Variants in LMTK3 observed in about 807,000 individuals in gnomAD.
LMTK3 encodes serine/threonine-protein kinase LMTK3.
A neutral mutation model predicts 116.7 loss-of-function variants in LMTK3; 27 were observed. The observed-to-expected ratio is 0.23, with a 90% confidence interval of 0.17 to 0.32. LMTK3 has a LOEUF of 0.32. LMTK3 is among the 10% of genes least tolerant of loss of function. The pLI, the probability that LMTK3 is intolerant of heterozygous loss-of-function variation, is 1.00. For synonymous variants in LMTK3, 965 were observed against 971.0 expected (o/e 0.99, Z 0.11); for missense variants, 1,764 against 2,068.5 (o/e 0.85, Z 2.86).
chr19:48,499,081 C>T lies in LMTK3; in HGVS notation c.1988G>A (p.Arg663His), dbSNP rs554523662. The T allele has an allele frequency of 1.2e-4, 187 of 1,546,568 alleles. No homozygotes were observed. Among genetic ancestry groups the T allele is most frequent in the Non-Finnish European group, 1.6e-4 (181 of 1,151,192 alleles). Residue 663 changes from arginine to histidine, a missense_variant, in exon 11 of 15, where the codon CGC (arginine) becomes CAC (histidine). Physicochemically the swap from Arg to His is conservative, Grantham distance 29. This residue lies in a region of LMTK3 where 1,028 missense variants were observed against 1,050.6 expected (regional missense o/e 0.98). Coordinates refer to ENST00000600059, the MANE Select transcript of LMTK3 (RefSeq NM_001388485.1). ...DSSSLGGGPS[R>H]RGPLPCPLCS... Reference sequence around the variant, plus strand: ...CAGGGGACAGGGTAGGGGACCCCGGCGGCTTGGGCCACCTCCAAGGCTGCT... The same window carrying T: ...CAGGGGACAGGGTAGGGGACCCCGGTGGCTTGGGCCACCTCCAAGGCTGCT...
chr19:48,513,026 A>C, upstream of LMTK3: 1 of 846,630 alleles, frequency 1.2e-6, no homozygotes, highest in Non-Finnish European at 2.0e-6. This position sits in a 1 kb window ranked among gnomAD's most constrained non-coding sequence, Gnocchi z 5.6. Context: ...ACCCCACCAC[A>C]GTCACACATC....
At position 48,497,308 on chromosome 19, in the gene LMTK3, C is replaced by A; in HGVS notation, c.3676+85G>T. ...CCTGCATTCATCACTGCCAGCCCGA[C>A]CCGACATGTTTACCCACACTCACCC... On this transcript the variant is annotated intron_variant, in intron 11 of 14. Transcript: ENST00000600059. The surrounding 1 kb of genome is among the most constrained non-coding windows in gnomAD (Gnocchi z 5.7). 1 of 1,353,356 alleles carries A rather than the reference C, an allele frequency of 7.4e-7. No individual in the cohort carries two copies. The highest frequency in any genetic ancestry group is 9.6e-7 in the Non-Finnish European group (1 of 1,040,786). 83.8% of individuals were successfully genotyped at this position (1,353,356 alleles called of 1,614,324 possible).
At chr19:48,486,189 A>G (rs1041663975) in intron 14 of LMTK3, among the ~76,000 whole-genome samples, 1 of 144,004 alleles carries the variant, frequency 6.9e-6, no homozygotes, top group Non-Finnish European at 1.5e-5. Context: ...CCTCCCAAGT[A>G]GCTGGGACTA....
chr19:48,508,937 G>C lies in LMTK3; in HGVS notation c.471C>G (p.Thr157=), dbSNP rs773422837. ...GCTCCTTCACCACCACCTGGGCGGG[G>C]GTGTAGTCGGAGAAAATCTCTCCCA... ...VILGEIFSDY[T]PAQVVVKELR... Residue 157 remains threonine, a synonymous_variant, in exon 5 of 15, where the codon ACC becomes ACG. Transcript: ENST00000600059. 1.2e-6 allele frequency: 2 copies of C among 1,611,930 alleles called. No homozygotes were observed. Among genetic ancestry groups the C allele is most frequent in the Admixed American group, 3.3e-5 (2 of 59,720 alleles).
At chr19:48,510,311 C>T (rs1972634655) in intron 2 of LMTK3, 138 bp from the exon 3 acceptor site, 2 of 1,403,260 alleles carry the variant, frequency 1.4e-6, no homozygotes, top group Admixed American at 2.5e-5. Context: ...CCCATTTCCC[C>T]ATCCCAAGGC....
rs1972275319 is a variant in LMTK3 at position 48,493,889 on chromosome 19, C to A, written c.3897G>T (p.Gly1299=). The change falls in exon 12 of 15, where the codon GGG becomes GGT. Residue 1299 remains glycine, a synonymous_variant. Transcript: ENST00000600059. ...CTCGCGCCCTCCCGGGGCCCCGCGG[C>A]CCCGCCGCCGCGCCCGGCGCCGCCG... ...EEAAAPGAAA[G]PRGPGRARAA... 1.9e-6 allele frequency: 2 copies of A among 1,070,126 alleles called. No homozygotes were observed. The highest frequency in any genetic ancestry group is 2.3e-6 in the Non-Finnish European group (2 of 887,638). The allele number at this position is 1,070,126 out of a possible 1,614,324, so 66.3% of individuals were successfully genotyped here.
chr19:48,497,558 C>A lies in LMTK3; in HGVS notation c.3511G>T (p.Glu1171Ter). ...LEPAPPRARP[E>*]VAPEGEPGAP... ...CCGGGCTCTCCCTCGGGGGCCACCT[C>A]CGGCCTGGCTCTCGGGGGCGCTGGC... Residue 1171 changes from glutamate (E) to a stop codon, truncating the protein, a stop_gained, in exon 11 of 15, where the codon GAG becomes TAG. Transcript: ENST00000600059. LOFTEE classifies it high-confidence loss of function. The surrounding 1 kb of genome is among the most constrained non-coding windows in gnomAD (Gnocchi z 5.7). 7.3e-7 allele frequency: 1 copy of A among 1,363,366 alleles called. No individual in the cohort carries two copies. The highest frequency in any genetic ancestry group is 9.5e-7 in the Non-Finnish European group (1 of 1,055,298). The allele number at this position is 1,363,366 out of a possible 1,614,324, so 84.5% of individuals were successfully genotyped here.
rs1972630364 is a variant in LMTK3 at position 48,510,011 on chromosome 19, G to T, written c.361+12C>A. On this transcript the variant is annotated intron_variant, in intron 3 of 14. Coordinates refer to ENST00000600059, the MANE Select transcript of LMTK3 (RefSeq NM_001388485.1). ...GACACCATGGGATGCTGGTCATGGC[G>T]TGGGGCAGTACCTGAGTGTGAAGGC... The T allele has an allele frequency of 6.2e-7, 1 of 1,613,390 alleles. No homozygotes were observed. The highest frequency in any genetic ancestry group is 1.3e-5 in the African/African-American group (1 of 75,038).
Position 48,498,646 on chromosome 19 carries a change from G to A in LMTK3, c.2423C>T (p.Pro808Leu). The change falls in exon 11 of 15, where the codon CCA becomes CTA. Residue 808 changes from proline to leucine, a missense_variant. Physicochemically the swap from Pro to Leu is moderately conservative, Grantham distance 98. Coordinates refer to ENST00000600059, the MANE Select transcript of LMTK3 (RefSeq NM_001388485.1). The stretch of plus-strand genomic sequence containing the variant: ...TTCCTCCTCGGCCGCCCCCCCACCT[G>A]GGAAGGCTCCCTCTGGGGAAAAAGG... ...ETPFSPEGAF[P>L]GGGAAEEEGV... The A allele has an allele frequency of 6.5e-7, 1 of 1,542,666 alleles. No homozygotes were observed. The highest frequency in any genetic ancestry group is 8.7e-7 in the Non-Finnish European group (1 of 1,144,852).
intron 14 of LMTK3, among the ~76,000 whole-genome samples, 198 bp downstream of exon 14, chr19:48,490,910 G>T (rs575143558): frequency 6.6e-6 from 1 of 152,324 alleles, no homozygotes; most frequent in East Asian, 1.9e-4. Flanking sequence ...CGGCCTGCCT[G>T]CCTACGACCG....
Position 48,498,122 on chromosome 19 carries a change from C to G in LMTK3, c.2947G>C (p.Glu983Gln). Reference sequence around the variant, plus strand: ...TTCACCAGCACCTTCTCCCCGGCCTCTGGGGACCTCAGCTCCCCATTCTCC... The same window carrying G: ...TTCACCAGCACCTTCTCCCCGGCCTGTGGGGACCTCAGCTCCCCATTCTCC... ...ALENGELRSP[E>Q]AGEKVLVNGG... Residue 983 changes from glutamate to glutamine, a missense_variant, in exon 11 of 15, where the codon GAG (glutamate) becomes CAG (glutamine). Around this residue, in one of 7 missense-constraint regions of LMTK3, gnomAD observed 1,028 missense variants for 1,050.6 expected, o/e 0.98. Transcript: ENST00000600059. The G allele has an allele frequency of 6.2e-7, 1 of 1,613,598 alleles. No homozygotes were observed. Among genetic ancestry groups the G allele is most frequent in the Non-Finnish European group, 8.5e-7 (1 of 1,179,838 alleles).
At position 48,490,974 on chromosome 19, in the gene LMTK3, T is replaced by A. The variant is rs554575439; in HGVS notation, c.4366+134A>T. The A allele has an allele frequency of 6.8e-5, 39 of 572,378 alleles. No homozygotes were observed. In the Admixed American group the frequency reaches 1.4e-3, roughly 20 times the overall value. The allele number at this position is 572,378 out of a possible 1,614,324, so 35.5% of individuals were successfully genotyped here. On this transcript the variant is annotated intron_variant, in intron 14 of 14. Transcript: ENST00000600059. Reference sequence around the variant, plus strand: ...GTTCCAGAGCTGGGTGGGGTGTCTGTTGACTGAGAGGGGAGAGAGAAGAGA... The same window carrying A: ...GTTCCAGAGCTGGGTGGGGTGTCTGATGACTGAGAGGGGAGAGAGAAGAGA...
intron 5 of LMTK3, among the ~76,000 whole-genome samples, chr19:48,508,464 A>G: frequency 6.6e-6 from 1 of 152,128 alleles, no homozygotes; most frequent in East Asian, 1.9e-4. Flanking sequence ...GCACCTGCTC[A>G]GGGACCTAGT....
chr19:48,507,674 A>G (rs1450970796), intron 5 of LMTK3, among the ~76,000 whole-genome samples: 2 of 152,148 alleles, frequency 1.3e-5, no homozygotes, highest in Non-Finnish European at 2.9e-5. Flanking sequence ...GCAGTGGTGC[A>G]GTCATAGCTC....
At chr19:48,511,424 G>A in intron 1 of LMTK3, 77 bp downstream of exon 1, 1 of 576,446 alleles carries the variant, frequency 1.7e-6, no homozygotes, top group Non-Finnish European at 2.6e-6. Context: ...AGGACCCGCA[G>A]ACAGACCCCT....
In LMTK3 at chr19:48,494,221, C is replaced by T; in HGVS notation, c.3677-112G>A. Reference sequence around the variant, plus strand: ...CCCGCACAATCTGGGCCTCAGCACCCACTTTGTGAACGGAAGGGCTGCACC... The same window carrying T: ...CCCGCACAATCTGGGCCTCAGCACCTACTTTGTGAACGGAAGGGCTGCACC... On this transcript the variant is annotated intron_variant, in intron 11 of 14. Coordinates refer to ENST00000600059, the MANE Select transcript of LMTK3 (RefSeq NM_001388485.1). The surrounding 1 kb of genome is among the most constrained non-coding windows in gnomAD (Gnocchi z 4.0). 1.7e-6 allele frequency: 1 copy of T among 590,698 alleles called. No individual in the cohort carries two copies. The highest frequency in any genetic ancestry group is 4.4e-4 in the Middle Eastern group (1 of 2,260). 36.6% of individuals were successfully genotyped at this position (590,698 alleles called of 1,614,324 possible).
rs1972228779 is a variant in LMTK3 at position 48,491,630 on chromosome 19, TTCTGGGGC to T, written c.4093-99_4093-92del. ...CAAAAGCAACAAAACCGGCTAATAT[TTCTGGGGC>T]TCTAGGAATCCCAATTTGTAATCAC... On this transcript the variant is annotated intron_variant, in intron 12 of 14. Transcript: ENST00000600059. This position sits in a 1 kb window ranked among gnomAD's most constrained non-coding sequence, Gnocchi z 5.1. 1.7e-6 allele frequency: 2 copies of T among 1,152,478 alleles called. No individual in the cohort carries two copies. Among genetic ancestry groups the T allele is most frequent in the Non-Finnish European group, 1.1e-6 (1 of 897,602 alleles). The allele number at this position is 1,152,478 out of a possible 1,614,324, so 71.4% of individuals were successfully genotyped here.
In LMTK3 at chr19:48,502,914, G is replaced by T; in HGVS notation, c.640C>A (p.Gln214Lys). ...CAACCCCCCAAGACCCTCACCAGTT[G>T]ACAGAACTCCATAATCAGCAGAAAC... ...LPFLLIMEFC[Q>K]LGDLKRYLRA... The change falls in exon 6 of 15, where the codon CAA (glutamine) becomes AAA (lysine). Residue 214 changes from glutamine (Q) to lysine (K), a missense_variant. By Grantham distance (53) the Gln-to-Lys change is moderately conservative. This residue lies in a region of LMTK3 where 271 missense variants were observed against 478.2 expected (regional missense o/e 0.57). Coordinates refer to ENST00000600059, the MANE Select transcript of LMTK3 (RefSeq NM_001388485.1). 6.2e-7 allele frequency: 1 copy of T among 1,610,512 alleles called. No individual in the cohort carries two copies. The highest frequency in any genetic ancestry group is 8.5e-7 in the Non-Finnish European group (1 of 1,177,684).
At chr19:48,486,225 A>C (rs1972122875) in intron 14 of LMTK3, among the ~76,000 whole-genome samples, 1 of 149,074 alleles carries the variant, frequency 6.7e-6, no homozygotes, top group Non-Finnish European at 1.5e-5. Context: ...ACGCCCGGCT[A>C]ATTTTTTGTA....
Sources: gnomAD v4.1 joint callset for allele counts (sites outside exome capture counted in the v4.1 genomes callset) on GRCh38, gnomAD v4.1.1 for gene constraint, gnomAD v4.1.1 regional missense constraint, Gnocchi (gnomAD v3.1) non-coding constraint, MANE v1.5 for transcripts, NCBI Gene and HGNC (gene_info 2026-07-23, HGNC 2026-07-21) for gene names.